The following GRM5 variants were observed in gnomAD, a reference collection of about 807,000 sequenced individuals.
GRM5 encodes metabotropic glutamate receptor 5.
GRM5 carries 19 observed loss-of-function variants against 83.1 expected under a neutral mutation model. The observed-to-expected ratio is 0.23, with a 90% confidence interval of 0.16 to 0.34. GRM5 has a LOEUF of 0.34. Among genes scored for constraint, GRM5 ranks in the 10% least tolerant of loss-of-function variants. The pLI is 1.00. For missense variants in GRM5, 1,160 were observed against 1,588.3 expected (o/e 0.73, Z 4.58); for synonymous variants, 675 against 633.6 (o/e 1.07, Z -0.98).
chr11:88,731,537 A>T (rs986408980), intron 3 of GRM5, among the ~76,000 whole-genome samples: 1 of 152,010 alleles, frequency 6.6e-6, no homozygotes, highest in Non-Finnish European at 1.5e-5. Context: ...AAAGTGAATC[A>T]CTTGCCAAGT....
At chr11:88,768,358 G>A (rs1032969220) in intron 3 of GRM5, among the ~76,000 whole-genome samples, 6 of 151,992 alleles carry the variant, frequency 3.9e-5, no homozygotes, top group African/African-American at 7.2e-5. Flanking sequence ...GACAAATGAT[G>A]TATAATTCCA....
rs578133503 is a variant in GRM5, at chr11:88,523,082, A to G, written c.2726+2227T>C. ...TAATTTCTGTGATGATCAGATCTAA[A>G]GCTCTAAGTATTGACTAAACACTGC... On this transcript the variant is annotated intron_variant, in intron 9 of 9. Coordinates refer to ENST00000305447, the MANE Select transcript of GRM5 (RefSeq NM_001143831.3). 6 of 152,304 alleles carry G rather than the reference A, an allele frequency of 3.9e-5. No individual in the cohort carries two copies. The South Asian group carries it at 1.2e-3, about 32-fold the overall frequency. 9.4% of individuals were successfully genotyped at this position (152,304 alleles called of 1,614,324 possible).
chr11:88,990,929 A>T (rs1173337177), intron 2 of GRM5, among the ~76,000 whole-genome samples: 4 of 152,220 alleles, frequency 2.6e-5, no homozygotes, highest in African/African-American at 7.2e-5. Flanking sequence ...AAAAACTGGA[A>T]GCATTCCCTT....
intron 2 of GRM5, among the ~76,000 whole-genome samples, chr11:89,039,526 C>G (rs1313544987): frequency 1.3e-5 from 2 of 151,930 alleles, no homozygotes; most frequent in Non-Finnish European, 2.9e-5. Context: ...TTGAACAGTT[C>G]TGCTAATAAA....
intron 3 of GRM5, among the ~76,000 whole-genome samples, chr11:88,762,075 C>T (rs952360021): frequency 1.3e-5 from 2 of 151,808 alleles, no homozygotes; most frequent in East Asian, 3.9e-4. Flanking sequence ...AATGTAAAAC[C>T]CCAAAAACCT....
chr11:88,744,225 A>G (rs1942086027), intron 3 of GRM5, among the ~76,000 whole-genome samples: 1 of 152,198 alleles, frequency 6.6e-6, no homozygotes, highest in Admixed American at 6.6e-5. Context: ...TCAAGTGAAT[A>G]ATATTAATGA....
chr11:88,898,337 G>A (rs138260892), intron 2 of GRM5, among the ~76,000 whole-genome samples: 2 of 151,808 alleles, frequency 1.3e-5, no homozygotes, highest in Non-Finnish European at 2.9e-5. Context: ...ACTCTGTAAA[G>A]GCCCTATTAA....
At chr11:88,509,744 T>A (rs1941310772) in intron 9 of GRM5, among the ~76,000 whole-genome samples, 1 of 152,120 alleles carries the variant, frequency 6.6e-6, no homozygotes, top group Admixed American at 6.5e-5. Flanking sequence ...ATCGTGAAAA[T>A]GTGTCAAAGG....
At chr11:89,062,576 AC>A (rs1279115370) in intron 1 of GRM5, among the ~76,000 whole-genome samples, 3 of 152,114 alleles carry the variant, frequency 2.0e-5, no homozygotes, top group South Asian at 2.1e-4. Context: ...AGTATTGGAG[AC>A]CCTATCTTGG....
intron 9 of GRM5, among the ~76,000 whole-genome samples, chr11:88,515,466 A>G (rs1941495463): frequency 6.6e-6 from 1 of 152,176 alleles, no homozygotes. Flanking sequence ...AGGATTTTGA[A>G]TGTTCACAAC....
intron 3 of GRM5, among the ~76,000 whole-genome samples, chr11:88,719,015 C>A (rs1941467114): frequency 6.6e-6 from 1 of 151,226 alleles, no homozygotes; most frequent in African/African-American, 2.4e-5. Context: ...AAACACTATT[C>A]CCCTTCCCTC....
chr11:89,050,410 C>G (rs1432636396), intron 1 of GRM5, among the ~76,000 whole-genome samples: 1 of 152,136 alleles, frequency 6.6e-6, no homozygotes, highest in Non-Finnish European at 1.5e-5. Flanking sequence ...GCAAAATATA[C>G]AAGCTCCCTA....
chr11:88,767,888 A>ACC (rs1942653994), intron 3 of GRM5, among the ~76,000 whole-genome samples: 1 of 152,066 alleles, frequency 6.6e-6, no homozygotes, highest in East Asian at 1.9e-4. Flanking sequence ...AAACTATGAG[A>ACC]TACCACCTTA....
At chr11:89,048,155 GA>G (rs1283601573) in intron 1 of GRM5, 83 bp from the exon 2 acceptor site, 1 of 315,670 alleles carries the variant, frequency 3.2e-6, no homozygotes, top group Non-Finnish European at 5.8e-6. Context: ...TGTTAGCAGA[GA>G]AAATATTTTG....
chr11:88,890,557 A>G (rs1424953146), intron 2 of GRM5, among the ~76,000 whole-genome samples: 1 of 152,190 alleles, frequency 6.6e-6, no homozygotes, highest in Non-Finnish European at 1.5e-5. Flanking sequence ...TGTGACTTTA[A>G]TTTTTAAGAA....
At chr11:89,022,184 G>A (rs542885604) in intron 2 of GRM5, among the ~76,000 whole-genome samples, 1 of 152,152 alleles carries the variant, frequency 6.6e-6, no homozygotes, top group South Asian at 2.1e-4. Flanking sequence ...TTCTATGCTT[G>A]TGAAAGCTGG....
intron 3 of GRM5, among the ~76,000 whole-genome samples, chr11:88,711,445 A>G (rs912412447): frequency 6.6e-6 from 1 of 152,096 alleles, no homozygotes; most frequent in African/African-American, 2.4e-5. Context: ...CATTCTTTCT[A>G]AAGGAATATG....
chr11:88,531,922 C>G, intron 8 of GRM5, among the ~76,000 whole-genome samples: 1 of 152,018 alleles, frequency 6.6e-6, no homozygotes, highest in South Asian at 2.1e-4. Context: ...CACTTAAACT[C>G]GTTTTCCATT....
chr11:88,869,133 C>CTT (rs1944720524), intron 2 of GRM5, among the ~76,000 whole-genome samples: 1 of 151,636 alleles, frequency 6.6e-6, no homozygotes, highest in South Asian at 2.1e-4. Flanking sequence ...AATGTGGCTC[C>CTT]TTTTTTTCCT....
Sources: gnomAD v4.1 joint callset for allele counts (sites outside exome capture counted in the v4.1 genomes callset) on GRCh38, gnomAD v4.1.1 for gene constraint, MANE v1.5 for transcripts, NCBI Gene and HGNC (gene_info 2026-07-23, HGNC 2026-07-21) for gene names.